ANKS3: variants seen among roughly 807,000 people sequenced by gnomAD.
ANKS3 encodes ankyrin repeat and SAM domain-containing protein 3.
A neutral mutation model predicts 80.7 loss-of-function variants in ANKS3; 62 were observed. That is an observed-to-expected ratio of 0.77 (90% CI 0.63 to 0.95). ANKS3 has a LOEUF of 0.95. Ranked by LOEUF, ANKS3 falls within the 40% of genes least tolerant of loss-of-function variation. The pLI, the probability that ANKS3 is intolerant of heterozygous loss-of-function variation, is 0.00. For synonymous variants in ANKS3, 489 were observed against 355.3 expected (o/e 1.38, Z -4.23); for missense variants, 1,150 against 883.6 (o/e 1.30, Z -3.82).
At position 4,697,031 on chromosome 16, in the gene ANKS3, G is replaced by A; in HGVS notation, c.1968C>T (p.Thr656=). 4 of 1,611,990 alleles carry A rather than the reference G, an allele frequency of 2.5e-6. No homozygotes were observed. Among genetic ancestry groups the A allele is most frequent in the Non-Finnish European group, 3.4e-6 (4 of 1,179,378 alleles). The change falls in exon 17 of 18, where the codon ACC becomes ACT. Residue 656 remains threonine (T), a synonymous_variant. Coordinates refer to ENST00000304283, the MANE Select transcript of ANKS3 (RefSeq NM_133450.4). ...CAGACACTCACCGGCCCGCAGGCTA[G>A]GTCTCCCGCCACTTCTTCCCGTTCA... ...QVLNGKKWRE[T]
At position 4,714,018 on chromosome 16, in the gene ANKS3, CCCCAGCAGGG is replaced by C. The variant is rs139933868; in HGVS notation, c.709+23_709+32del. 522 of 1,611,476 alleles carry C rather than the reference CCCCAGCAGGG, an allele frequency of 3.2e-4. 1 individual carries two copies. The African/African-American group carries it at 6.2e-3, about 19-fold the overall frequency. Reference sequence around the variant, plus strand: ...ACCTAAAGCTCAAGGCAACCAGAGACCCCAGCAGGGCGCGGCTGGCAGGTGTGGGTACCTG... The same window carrying C: ...ACCTAAAGCTCAAGGCAACCAGAGACCGCGGCTGGCAGGTGTGGGTACCTG... On this transcript the variant is annotated intron_variant, in intron 7 of 17. Coordinates refer to ENST00000304283, the MANE Select transcript of ANKS3 (RefSeq NM_133450.4).
At chr16:4,726,520 TG>T in intron 5 of ANKS3, 138 bp downstream of exon 5, 1 of 828,216 alleles carries the variant, frequency 1.2e-6, no homozygotes, top group Non-Finnish European at 1.9e-6. Context: ...GGAAGGACTC[TG>T]GTCCTACCCC....
Position 4,702,124 on chromosome 16 carries a change from G to A in ANKS3, c.987C>T (p.Ser329=). 1 of 1,595,178 alleles carries A rather than the reference G, an allele frequency of 6.3e-7. No homozygotes were observed. ...TACCCCGACTGCTGCTGCTGCTGCTGCTCTCCACATCCCGCTCATTGATGG... is the reference window on the plus strand; with the variant it reads ...TACCCCGACTGCTGCTGCTGCTGCTACTCTCCACATCCCGCTCATTGATGG... ...TSPINERDVE[S]SSSSSSREEH... Residue 329 remains serine, a synonymous_variant, in exon 9 of 18, where the codon AGC becomes AGT. Coordinates refer to ENST00000304283, the MANE Select transcript of ANKS3 (RefSeq NM_133450.4).
chr16:4,732,314 ACCTC>A (rs1214550534), intron 1 of ANKS3, among the ~76,000 whole-genome samples: 2 of 151,668 alleles, frequency 1.3e-5, no homozygotes, highest in South Asian at 2.1e-4. Flanking sequence ...TCCCTTCCAT[ACCTC>A]CCTCAAGCCT....
rs141891119 is a variant in ANKS3, at chr16:4,699,105, G to A, written c.1356C>T (p.Asp452=). 3.7e-6 allele frequency: 6 copies of A among 1,614,036 alleles called. No homozygotes were observed. The highest frequency in any genetic ancestry group is 4.2e-6 in the Non-Finnish European group (5 of 1,180,052). ...YLQVFEEQDV[D]LRIFLTLTES... ...CAGTGAGGGTCAGAAAGATGCGGAG[G>A]TCCACGTCCTGCTCCTCAAACACCT... The change falls in exon 12 of 18, where the codon GAC becomes GAT. Residue 452 remains aspartate (D), a synonymous_variant. Transcript: ENST00000304283.
At chr16:4,730,222 GC>G (rs2142169779) in intron 2 of ANKS3, 71 bp from the exon 3 acceptor site, 2 of 1,371,336 alleles carry the variant, frequency 1.5e-6, no homozygotes, top group East Asian at 2.7e-5. Context: ...GGCTGGTCCT[GC>G]CCCTGCTACA....
Position 4,726,672 on chromosome 16 carries a change from T to C in ANKS3, c.478A>G (p.Asn160Asp). 6.2e-7 allele frequency: 1 copy of C among 1,613,792 alleles called. No individual in the cohort carries two copies. The highest frequency in any genetic ancestry group is 8.5e-7 in the Non-Finnish European group (1 of 1,179,726). ...MVRFLLDSGA[N>D]ANVREPICGF... ...TGTGGCAATCACCTCACGTTGGCATTGGCTCCACTGTCCAAGAGGAACCTG... is the reference window on the plus strand; with the variant it reads ...TGTGGCAATCACCTCACGTTGGCATCGGCTCCACTGTCCAAGAGGAACCTG... Residue 160 changes from asparagine (N) to aspartate (D), a missense_variant, in exon 5 of 18, where the codon AAT becomes GAT. Asn to Asp is a conservative substitution (Grantham distance 23, BLOSUM62 1). Coordinates refer to ENST00000304283, the MANE Select transcript of ANKS3 (RefSeq NM_133450.4).
intron 3 of ANKS3, 151 bp from the exon 4 acceptor site, chr16:4,727,328 G>A (rs527474149): frequency 3.9e-6 from 3 of 763,244 alleles, no homozygotes; most frequent in African/African-American, 3.5e-5. Context: ...GAGGCAGGCA[G>A]GCAGAAAAAT....
At position 4,698,105 on chromosome 16, in the gene ANKS3, G is replaced by A. The variant is rs781541833; in HGVS notation, c.1725-43C>T. ...AAATATTGGTGAGAGCAGAGGCCTG[G>A]CCGCTGCAGAGCCCCCACCTCAGAC... is the stretch of plus-strand genomic sequence containing the variant. On this transcript the variant is annotated intron_variant, in intron 14 of 17. Coordinates refer to ENST00000304283, the MANE Select transcript of ANKS3 (RefSeq NM_133450.4). The A allele has an allele frequency of 2.4e-5, 37 of 1,549,008 alleles. No homozygotes were observed. In the African/African-American group the frequency reaches 4.0e-4, roughly 17 times the overall value.
intron 14 of ANKS3, 113 bp downstream of exon 14, chr16:4,698,314 A>G: frequency 1.5e-6 from 2 of 1,377,150 alleles, no homozygotes; most frequent in Non-Finnish European, 1.9e-6. Context: ...GTGGCTCCAG[A>G]CCCTGAAATC....
At chr16:4,700,583 G>T in intron 11 of ANKS3, 1 of 364,376 alleles carries the variant, frequency 2.7e-6, no homozygotes, top group Non-Finnish European at 5.4e-6. Context: ...ACCACAGAAA[G>T]GAGGAGGATG....
At chr16:4,717,386 G>C (rs1596409390) in intron 6 of ANKS3, 2 of 152,168 alleles carry the variant, frequency 1.3e-5, no homozygotes, top group Non-Finnish European at 2.9e-5. Context: ...TCAGGAGTTT[G>C]AGACCAGCCT....
At chr16:4,731,350 G>C (rs1376438906) in intron 2 of ANKS3, among the ~76,000 whole-genome samples, 162 bp downstream of exon 2, 1 of 152,210 alleles carries the variant, frequency 6.6e-6, no homozygotes, top group Non-Finnish European at 1.5e-5. Context: ...CATGATTTCA[G>C]CTCACTGGAA....
intron 6 of ANKS3, among the ~76,000 whole-genome samples, chr16:4,721,782 C>T (rs1034318113): frequency 1.1e-4 from 16 of 150,872 alleles, no homozygotes; most frequent in Non-Finnish European, 1.9e-4. Context: ...GGGATTACAG[C>T]GTCAGCCACC....
chr16:4,732,680 AAAAAAAAAAC>A (rs1343798525), intron 1 of ANKS3, among the ~76,000 whole-genome samples: 2 of 149,068 alleles, frequency 1.3e-5, no homozygotes, highest in African/African-American at 2.4e-5. Context: ...TTCTGTCTCA[AAAAAAAAAAC>A]AAAAAAAAAA....
At chr16:4,700,207 G>T (rs866341129) in intron 11 of ANKS3, 1 of 152,992 alleles carries the variant, frequency 6.5e-6, no homozygotes, top group Non-Finnish European at 1.5e-5. Context: ...CACGATGTCA[G>T]GAATTTGAGA....
At chr16:4,733,212 AAAAAAAAAAAAAAG>A in intron 1 of ANKS3, among the ~76,000 whole-genome samples, 1 of 151,484 alleles carries the variant, frequency 6.6e-6, no homozygotes, top group Non-Finnish European at 1.5e-5. Context: ...CAAAAAAAAA[AAAAAAAAAAAAAAG>A]ATCTAGTATT....
intron 6 of ANKS3, among the ~76,000 whole-genome samples, chr16:4,718,644 A>G (rs2080932332): frequency 1.3e-5 from 2 of 152,210 alleles, no homozygotes; most frequent in African/African-American, 4.8e-5. Flanking sequence ...ACTGGGCGGC[A>G]GGAAAAACGT....
At chr16:4,701,820 T>A in intron 9 of ANKS3, 1 of 504,856 alleles carries the variant, frequency 2.0e-6, no homozygotes, top group Non-Finnish European at 3.5e-6. Context: ...GGTGCAGTTA[T>A]AACAGACATT....
Sources: gnomAD v4.1 joint callset for allele counts (sites outside exome capture counted in the v4.1 genomes callset) on GRCh38, gnomAD v4.1.1 for gene constraint, MANE v1.5 for transcripts, NCBI Gene and HGNC (gene_info 2026-07-23, HGNC 2026-07-21) for gene names.